IDE: variants seen among roughly 807,000 people sequenced by gnomAD.
IDE encodes the protein insulin degrading enzyme.
In IDE, 58 loss-of-function variants were observed where a neutral mutation model predicts 133.2. That is an observed-to-expected ratio of 0.44 (90% CI 0.35 to 0.54). The LOEUF (loss-of-function observed/expected upper bound fraction) is 0.54, where lower values mean the gene tolerates loss of function less well. IDE is among the 20% of genes least tolerant of loss of function. The pLI is 0.00. For missense variants in IDE, 981 were observed against 1,234.0 expected, an observed-to-expected ratio of 0.79 and a Z score of 3.07; for synonymous variants, 396 against 421.3, an observed-to-expected ratio of 0.94 and a Z score of 0.73.
At position 92,522,651 on chromosome 10, in the gene IDE, C is replaced by T. The variant is rs143060925; in HGVS notation, c.662-7609G>A. Among the ~76,000 whole-genome samples, 9 of 152,236 alleles carry T rather than the reference C, an allele frequency of 5.9e-5. No homozygotes were observed. In the East Asian group the frequency reaches 1.7e-3, roughly 29 times the overall value. ...AAATAAATTCTGGGCAACACTAAAA[C>T]ATGCAAAATAGAATAGTGTTTAAAA... On this transcript the variant is annotated intron_variant, in intron 4 of 24. Coordinates refer to ENST00000265986, the MANE Select transcript of IDE (RefSeq NM_004969.4).
chr10:92,521,217 A>G (rs76319566), intron 4 of IDE, among the ~76,000 whole-genome samples: 2 of 152,208 alleles, frequency 1.3e-5, no homozygotes, highest in Non-Finnish European at 2.9e-5. Context: ...CTGAGAATCA[A>G]TATTTGCAAC....
chr10:92,507,654 T>C lies in IDE; in HGVS notation c.1166A>G (p.Asp389Gly). 1 of 1,580,222 alleles carries C rather than the reference T, an allele frequency of 6.3e-7. No homozygotes were observed. Among genetic ancestry groups the C allele is most frequent in the Non-Finnish European group, 8.7e-7 (1 of 1,149,166 alleles). Residue 389 changes from aspartate to glycine, a missense_variant, in exon 9 of 25, where the codon GAT becomes GGT. By Grantham distance (94) the Asp-to-Gly change is moderately conservative. This residue lies in a region of IDE where 660 missense variants were observed against 894.7 expected (regional missense o/e 0.74). Transcript: ENST00000265986. Reference protein sequence around the residue: ...LTEEGLLHVEDIILHMFQYIQ... With the variant: ...LTEEGLLHVEGIILHMFQYIQ... The stretch of plus-strand genomic sequence containing the variant: ...GTATTGAAACATGTGCAAAATTATA[T>C]CTTCAACATGTACTGGAAAAAAGGG...
At chr10:92,538,873 A>G (rs1842155565) in intron 1 of IDE, among the ~76,000 whole-genome samples, 1 of 152,166 alleles carries the variant, frequency 6.6e-6, no homozygotes, top group Admixed American at 6.5e-5. Flanking sequence ...GGAACTACAG[A>G]GGAAAAATAA....
rs532861372 is a variant in IDE, at chr10:92,564,671, C to CA, written c.98+9250dup. Among the ~76,000 whole-genome samples, 23 of 31,586 alleles carry CA rather than the reference C, an allele frequency of 7.3e-4. 7 individuals are homozygous for CA. Among genetic ancestry groups the CA allele is most frequent in the Non-Finnish European group, 1.2e-3 (20 of 16,300 alleles). 20.7% of individuals were successfully genotyped at this position (31,586 alleles called of 152,430 possible). On this transcript the variant is annotated intron_variant, in intron 1 of 24. Coordinates refer to ENST00000265986, the MANE Select transcript of IDE (RefSeq NM_004969.4). ...CCTGGGCGATAAAGCGAGACTGTCTCAAAAAAAAAAAAAAAAAAAAAAAAA... is the reference window on the plus strand; with the variant it reads ...CCTGGGCGATAAAGCGAGACTGTCTCAAAAAAAAAAAAAAAAAAAAAAAAAA...
At chr10:92,517,342 C>T (rs1848985052) in intron 4 of IDE, among the ~76,000 whole-genome samples, 1 of 152,156 alleles carries the variant, frequency 6.6e-6, no homozygotes. Flanking sequence ...TTAACCTTTT[C>T]CTAGTCACAA....
At chr10:92,467,947 G>A (rs969804429) in intron 19 of IDE, among the ~76,000 whole-genome samples, 10 of 152,178 alleles carry the variant, frequency 6.6e-5, no homozygotes, top group Non-Finnish European at 1.0e-4. Context: ...TTGGCTTTAA[G>A]GAATGTACAG....
Position 92,537,520 on chromosome 10 carries a change from A to G in IDE, c.129T>C (p.Asn43=). The G allele has an allele frequency of 3.1e-6, 5 of 1,600,560 alleles. No homozygotes were observed. Among genetic ancestry groups the G allele is most frequent in the Admixed American group, 1.8e-5 (1 of 55,466 alleles). The change falls in exon 2 of 25, where the codon AAT becomes AAC. Residue 43 remains asparagine (N), a synonymous_variant. Transcript: ENST00000265986. ...TTCCTATTCTCTTGATGGCTGGATT[A>G]TTCATTTTGCTGTAAGTCTTTTTTT... is the stretch of plus-strand genomic sequence containing the variant. ...GFQKKTYSKM[N]NPAIKRIGNH... is the part of the protein sequence containing the mutation.
chr10:92,505,003 C>A, intron 10 of IDE, 106 bp from the exon 11 acceptor site: 1 of 572,666 alleles, frequency 1.7e-6, no homozygotes, highest in Non-Finnish European at 3.0e-6. Context: ...CCCTTTCTCT[C>A]TTCAGTTAAA....
At chr10:92,536,671 C>T (rs538183865) in intron 2 of IDE, among the ~76,000 whole-genome samples, 1 of 149,622 alleles carries the variant, frequency 6.7e-6, no homozygotes, top group East Asian at 2.0e-4. Flanking sequence ...GCACTCCAGC[C>T]TGGGCAACAA....
Position 92,529,772 on chromosome 10 carries a change from A to T in IDE, c.661+1976T>A, listed in dbSNP as rs551806478. 5.9e-5 allele frequency among the ~76,000 whole-genome samples: 9 copies of T among 152,216 alleles called. No individual in the cohort carries two copies. In the South Asian group the frequency reaches 1.7e-3, roughly 28 times the overall value. On this transcript the variant is annotated intron_variant, in intron 4 of 24. Coordinates refer to ENST00000265986, the MANE Select transcript of IDE (RefSeq NM_004969.4). ...TAACACTACTCACCTTATTCACTGG[A>T]TTTATTTCTGGAAAATGTGTAACTG... is the stretch of plus-strand genomic sequence containing the variant.
rs574305090 is a variant in IDE at position 92,574,003 on chromosome 10, G to A, written c.17C>T (p.Ala6Val). Residue 6 changes from alanine to valine, a missense_variant, in exon 1 of 25, where the codon GCG becomes GTG. This residue lies in a region of IDE where 321 missense variants were observed against 339.3 expected (regional missense o/e 0.95). Coordinates refer to ENST00000265986, the MANE Select transcript of IDE (RefSeq NM_004969.4). MRYRL[A>V]WLLHPALPST... ...GGGCAGTGCGGGGTGCAGAAGCCAC[G>A]CTAGCCGGTACCGCATTAGCCAGCG... 4.6e-6 allele frequency: 7 copies of A among 1,511,306 alleles called. No individual in the cohort carries two copies. The South Asian group carries it at 8.7e-5, about 19-fold the overall frequency. 93.6% of individuals were successfully genotyped at this position (1,511,306 alleles called of 1,614,324 possible).
At chr10:92,535,484 C>T (rs1357100420) in intron 2 of IDE, among the ~76,000 whole-genome samples, 2 of 50,868 alleles carry the variant, frequency 3.9e-5, no homozygotes, top group Non-Finnish European at 8.4e-5. Context: ...GGGGTTACCA[C>T]TCTACTGGCT....
At chr10:92,529,182 A>G (rs1445935713) in intron 4 of IDE, among the ~76,000 whole-genome samples, 1 of 152,232 alleles carries the variant, frequency 6.6e-6, no homozygotes, top group Non-Finnish European at 1.5e-5. Flanking sequence ...ATAAATTAGC[A>G]TGAATTTCTG....
intron 4 of IDE, among the ~76,000 whole-genome samples, chr10:92,530,001 G>A (rs1167251253): frequency 6.6e-6 from 1 of 152,044 alleles, no homozygotes; most frequent in Non-Finnish European, 1.5e-5. Context: ...CGAGGCAGGC[G>A]GATCACCTGA....
intron 1 of IDE, among the ~76,000 whole-genome samples, chr10:92,551,986 G>A (rs1271120357): frequency 6.6e-6 from 1 of 151,708 alleles, no homozygotes; most frequent in African/African-American, 2.4e-5. Context: ...CACACAAAAA[G>A]GTCAAAATGA....
intron 16 of IDE, among the ~76,000 whole-genome samples, 178 bp downstream of exon 16, chr10:92,475,706 G>A (rs1313109774): frequency 6.6e-6 from 1 of 151,946 alleles, no homozygotes; most frequent in Admixed American, 6.6e-5. Context: ...GAGTCTACTA[G>A]GATTTCTTTC....
At chr10:92,572,381 T>C (rs530823492) in intron 1 of IDE, among the ~76,000 whole-genome samples, 3 of 152,334 alleles carry the variant, frequency 2.0e-5, no homozygotes, top group South Asian at 4.1e-4. Context: ...GATTTTGTGA[T>C]GTAGTGGAAA....
chr10:92,495,362 A>C (rs1269317499), intron 11 of IDE, among the ~76,000 whole-genome samples: 1 of 152,074 alleles, frequency 6.6e-6, no homozygotes, highest in African/African-American at 2.4e-5. Flanking sequence ...CTGGGACTAC[A>C]GGCACACGCC....
intron 4 of IDE, among the ~76,000 whole-genome samples, chr10:92,526,525 C>A (rs548775977): frequency 1.1e-4 from 17 of 151,990 alleles, no homozygotes; most frequent in African/African-American, 4.1e-4. Context: ...TTGGCATCAA[C>A]CTGATGTGGA....
Sources: allele counts gnomAD v4.1 joint callset (sites outside exome capture counted in the v4.1 genomes callset), GRCh38; gene constraint gnomAD v4.1.1; regional missense constraint gnomAD v4.1.1; transcripts MANE v1.5; gene names NCBI Gene and HGNC (gene_info 2026-07-23, HGNC 2026-07-21).